The following KANK1 variants were observed in gnomAD, a reference collection of about 807,000 sequenced individuals.
KANK1 encodes KN motif and ankyrin repeat domains 1, also known as KN motif and ankyrin repeat domain-containing protein 1.
Under a neutral mutation model 106.2 loss-of-function variants are expected in KANK1, and 109 were observed. That is an observed-to-expected ratio of 1.03 (90% CI 0.88 to 1.20). KANK1 has a LOEUF of 1.20. KANK1 is among the 50% of genes most tolerant of loss of function. The probability of loss-of-function intolerance (pLI) is 0.00; values close to 1 mark genes in which losing one functional copy is unlikely to be tolerated. For synonymous variants in KANK1, 873 were observed against 652.2 expected (o/e 1.34, Z -5.16); for missense variants, 2,399 against 1,710.7 (o/e 1.40, Z -7.10).
chr9:589,341 C>G (rs997502326), intron 1 of KANK1, among the ~76,000 whole-genome samples: 6 of 152,152 alleles, frequency 3.9e-5, no homozygotes, highest in South Asian at 2.1e-4. Context: ...ACTGTAAATA[C>G]TTACTCTTGA....
chr9:592,504 T>C (rs1825207095), intron 1 of KANK1, among the ~76,000 whole-genome samples: 1 of 151,834 alleles, frequency 6.6e-6, no homozygotes, highest in Admixed American at 6.6e-5. Context: ...GCTCTTTCAC[T>C]GGATACCTGT....
Position 711,233 on chromosome 9 carries a change from A to C in KANK1, c.467A>C (p.Lys156Thr), listed in dbSNP as rs767654835. 6.2e-7 allele frequency: 1 copy of C among 1,614,132 alleles called. No homozygotes were observed. The highest frequency in any genetic ancestry group is 2.2e-5 in the East Asian group (1 of 44,892). The change falls in exon 3 of 12, where the codon AAG becomes ACG. Residue 156 changes from lysine to threonine, a missense_variant. Transcript: ENST00000382297. ...CCAAAGCATAACCTTCATGTCACCA[A>C]GACACTGATGGAGACCCGGAGAAGA... ...QLPKHNLHVT[K>T]TLMETRRRLE...
chr9:505,140 T>C (rs2058688584), intron 1 of KANK1, among the ~76,000 whole-genome samples: 1 of 152,034 alleles, frequency 6.6e-6, no homozygotes. Context: ...GGCCCGGCGC[T>C]CTGTCCCTCG....
intron 1 of KANK1, among the ~76,000 whole-genome samples, chr9:634,080 C>T (rs1370522995): frequency 6.6e-6 from 1 of 152,208 alleles, no homozygotes; most frequent in Non-Finnish European, 1.5e-5. Flanking sequence ...TGCCCAATTG[C>T]ACACACAAAG....
At chr9:725,336 T>C (rs559566042) in intron 3 of KANK1, among the ~76,000 whole-genome samples, 39 of 151,954 alleles carry the variant, frequency 2.6e-4, no homozygotes, top group Non-Finnish European at 5.1e-4. Context: ...CTACTAAAAA[T>C]ACAAAAATTA....
intron 1 of KANK1, among the ~76,000 whole-genome samples, chr9:629,220 G>T (rs1835089209): frequency 6.6e-6 from 1 of 152,050 alleles, no homozygotes; most frequent in Non-Finnish European, 1.5e-5. Context: ...CGCTGATGGG[G>T]TTGCCTTGTT....
intron 2 of KANK1, among the ~76,000 whole-genome samples, chr9:701,123 G>A (rs936664536): frequency 1.1e-4 from 17 of 152,102 alleles, no homozygotes; most frequent in African/African-American, 4.1e-4. Context: ...GAAGACTACA[G>A]ATTTTTTTTT....
At chr9:626,089 C>G (rs1834278543) in intron 1 of KANK1, among the ~76,000 whole-genome samples, 1 of 152,086 alleles carries the variant, frequency 6.6e-6, no homozygotes. Context: ...AATTCCTCAT[C>G]AATAAGGTAC....
intron 1 of KANK1, among the ~76,000 whole-genome samples, chr9:625,528 T>A (rs1834136659): frequency 6.6e-6 from 1 of 152,172 alleles, no homozygotes; most frequent in African/African-American, 2.4e-5. Context: ...CTTCTCATAG[T>A]TATCCGTTGT....
intron 1 of KANK1, among the ~76,000 whole-genome samples, chr9:603,435 G>C (rs948120997): frequency 1.3e-5 from 2 of 151,814 alleles, no homozygotes; most frequent in African/African-American, 4.9e-5. Context: ...AGAGCAGTTT[G>C]TGTGTCTTCC....
intron 1 of KANK1, among the ~76,000 whole-genome samples, chr9:662,811 G>A (rs1304275735): frequency 3.3e-5 from 5 of 152,096 alleles, no homozygotes; most frequent in Non-Finnish European, 7.4e-5. Context: ...ACAGGCACCC[G>A]CCACCACGCC....
intron 1 of KANK1, among the ~76,000 whole-genome samples, chr9:635,071 A>G (rs1009750312): frequency 1.6e-4 from 25 of 152,170 alleles, no homozygotes; most frequent in Non-Finnish European, 3.2e-4. Context: ...TTACAAACCA[A>G]TCACAGGTAA....
intron 1 of KANK1, among the ~76,000 whole-genome samples, chr9:659,568 GA>G (rs1245328544): frequency 6.6e-6 from 1 of 152,084 alleles, no homozygotes; most frequent in Non-Finnish European, 1.5e-5. Context: ...AATTTATAAA[GA>G]AAAAAGGCTT....
rs774206395 is a variant in KANK1 at position 730,297 on chromosome 9, A to G, written c.2896+49A>G. 4 of 1,534,950 alleles carry G rather than the reference A, an allele frequency of 2.6e-6. No homozygotes were observed. The East Asian group carries it at 9.0e-5, about 35-fold the overall frequency. The stretch of plus-strand genomic sequence containing the variant: ...TTGGCATCAGGATTCTAGGGCCAGC[A>G]TTGCCAGCATTCCAATTTAATGTCA... On this transcript the variant is annotated intron_variant, in intron 4 of 11. Coordinates refer to ENST00000382297, the MANE Select transcript of KANK1 (RefSeq NM_015158.5).
At chr9:655,050 C>T (rs2137754179) in intron 1 of KANK1, among the ~76,000 whole-genome samples, 1 of 152,166 alleles carries the variant, frequency 6.6e-6, no homozygotes, top group South Asian at 2.1e-4. Flanking sequence ...TTCAATTGGT[C>T]TTTGATGAGA....
At position 712,005 on chromosome 9, in the gene KANK1, C is replaced by T. The variant is rs148387245; in HGVS notation, c.1239C>T (p.Val413=). 8.6e-5 allele frequency: 139 copies of T among 1,614,104 alleles called. No individual in the cohort carries two copies. Among genetic ancestry groups the T allele is most frequent in the Middle Eastern group, 1.6e-4 (1 of 6,062 alleles). ...CCGAGGAGAACATGAACGACATCGT[C>T]GTGTACCACAGAGGCTCCAGGTCCT... ...VGAEENMNDI[V]VYHRGSRSCK... is the part of the protein sequence containing the mutation. Residue 413 remains valine, a synonymous_variant, in exon 3 of 12, where the codon GTC becomes GTT. Coordinates refer to ENST00000382297, the MANE Select transcript of KANK1 (RefSeq NM_015158.5).
chr9:504,072 G>C (rs1342436150), upstream of KANK1, among the ~76,000 whole-genome samples: 1 of 152,164 alleles, frequency 6.6e-6, no homozygotes, highest in African/African-American at 2.4e-5. Context: ...GGCACCTGCA[G>C]GAAACAGAGC....
intron 3 of KANK1, among the ~76,000 whole-genome samples, chr9:492,545 G>GAAC: frequency 6.6e-6 from 1 of 152,124 alleles, no homozygotes; most frequent in Non-Finnish European, 1.5e-5. Flanking sequence ...GGCTGTCTGT[G>GAAC]AGAGACAGTC....
At chr9:515,757 T>TA (rs2059253305) in intron 1 of KANK1, among the ~76,000 whole-genome samples, 2 of 151,850 alleles carry the variant, frequency 1.3e-5, no homozygotes, top group Non-Finnish European at 1.5e-5. Context: ...TAAAGGGTTT[T>TA]AAAAAGGGGA....
Sources: allele counts gnomAD v4.1 joint callset (sites outside exome capture counted in the v4.1 genomes callset), GRCh38; gene constraint gnomAD v4.1.1; transcripts MANE v1.5; gene names NCBI Gene and HGNC (gene_info 2026-07-23, HGNC 2026-07-21).